CDH18: variants seen among roughly 807,000 people sequenced by gnomAD.
CDH18 encodes the protein cadherin-18.
CDH18 carries 31 observed loss-of-function variants against 67.9 expected under a neutral mutation model. That is an observed-to-expected ratio of 0.46 (90% CI 0.34 to 0.62). CDH18 has a LOEUF of 0.62. Ranked by LOEUF, CDH18 falls within the 20% of genes least tolerant of loss-of-function variation. CDH18 has a pLI of 0.01. For synonymous variants in CDH18, 362 were observed against 347.2 expected (o/e 1.04, Z -0.48); for missense variants, 890 against 975.5 (o/e 0.91, Z 1.17).
intron 1 of CDH18, among the ~76,000 whole-genome samples, chr5:20,299,757 C>CAAAAA (rs368044422): frequency 0.012 from 1,304 of 107,378 alleles, 29 homozygotes; most frequent in African/African-American, 0.035. Flanking sequence ...GGCTCTGTCT[C>CAAAAA]AAAAAAAAAA....
chr5:20,369,366 T>G (rs912901043), intron 1 of CDH18, among the ~76,000 whole-genome samples: 2 of 152,102 alleles, frequency 1.3e-5, no homozygotes, highest in African/African-American at 4.8e-5. Flanking sequence ...AAGAAACAAA[T>G]GAAATTCAGA....
At chr5:20,425,330 G>A (rs1372819166) in intron 1 of CDH18, among the ~76,000 whole-genome samples, 6 of 149,900 alleles carry the variant, frequency 4.0e-5, no homozygotes, top group Non-Finnish European at 8.8e-5. Flanking sequence ...AAGATTGCGC[G>A]ATTGCACTCC....
At chr5:19,483,631 T>C (rs1447814637) in intron 11 of CDH18, 79 bp from the exon 12 acceptor site, 1 of 1,397,802 alleles carries the variant, frequency 7.2e-7, no homozygotes. Flanking sequence ...ATGGATAAAA[T>C]GGGGATGTGT....
chr5:20,406,414 C>A (rs112483104), intron 1 of CDH18, among the ~76,000 whole-genome samples: 1,537 of 150,928 alleles, frequency 0.01, 33 homozygotes, highest in African/African-American at 0.036. Context: ...AGGGGACCAT[C>A]ACACCCCGGG....
At chr5:20,449,681 T>C (rs570617845) in intron 1 of CDH18, among the ~76,000 whole-genome samples, 1 of 152,170 alleles carries the variant, frequency 6.6e-6, no homozygotes, top group South Asian at 2.1e-4. Context: ...TTCAGACACA[T>C]TTGTAAGTGT....
At chr5:20,087,697 T>C (rs1745091036) in intron 2 of CDH18, among the ~76,000 whole-genome samples, 1 of 151,768 alleles carries the variant, frequency 6.6e-6, no homozygotes, top group Non-Finnish European at 1.5e-5. Flanking sequence ...ATGTACGTTT[T>C]TTAAATATGA....
chr5:20,330,004 G>A (rs1739013190), intron 1 of CDH18, among the ~76,000 whole-genome samples: 1 of 151,654 alleles, frequency 6.6e-6, no homozygotes, highest in African/African-American at 2.4e-5. Flanking sequence ...ATAAAATTCA[G>A]ATACAAATAA....
At chr5:19,824,711 G>A (rs956432032) in intron 3 of CDH18, among the ~76,000 whole-genome samples, 1 of 152,150 alleles carries the variant, frequency 6.6e-6, no homozygotes, top group Admixed American at 6.5e-5. Flanking sequence ...AGGCCCAGCA[G>A]TCCCACTTCT....
chr5:19,477,638 A>G (rs1738709064), intron 12 of CDH18, among the ~76,000 whole-genome samples: 2 of 152,234 alleles, frequency 1.3e-5, no homozygotes, highest in South Asian at 4.1e-4. Context: ...ATGAGTGCAG[A>G]TAATAATTAT....
intron 3 of CDH18, among the ~76,000 whole-genome samples, chr5:19,820,667 G>A (rs1779779182): frequency 6.6e-6 from 1 of 152,190 alleles, no homozygotes; most frequent in African/African-American, 2.4e-5. Flanking sequence ...AAAGAAATGG[G>A]GACCTAGCAC....
chr5:20,338,414 G>A (rs1435225939), intron 1 of CDH18, among the ~76,000 whole-genome samples: 1 of 152,116 alleles, frequency 6.6e-6, no homozygotes, highest in Non-Finnish European at 1.5e-5. Flanking sequence ...CTTTCCTTGG[G>A]GAGCTTCATC....
intron 1 of CDH18, among the ~76,000 whole-genome samples, chr5:20,298,146 C>T (rs1262903772): frequency 6.6e-6 from 1 of 152,100 alleles, no homozygotes; most frequent in Non-Finnish European, 1.5e-5. Context: ...GAACCAAGAC[C>T]TTTCTTTAAC....
chr5:19,823,299 T>G (rs1435897294), intron 3 of CDH18, among the ~76,000 whole-genome samples: 1 of 152,130 alleles, frequency 6.6e-6, no homozygotes, highest in East Asian at 1.9e-4. Flanking sequence ...AAGACAGGCA[T>G]AGGGAATCAC....
intron 8 of CDH18, among the ~76,000 whole-genome samples, chr5:19,570,665 A>G (rs902982098): frequency 6.6e-6 from 1 of 152,146 alleles, no homozygotes; most frequent in Non-Finnish European, 1.5e-5. Flanking sequence ...AGGATATCCA[A>G]GAAGTTTTAC....
chr5:20,334,128 A>ATTTTTTTTTT (rs1390783093), intron 1 of CDH18, among the ~76,000 whole-genome samples: 58 of 118,328 alleles, frequency 4.9e-4, no homozygotes, highest in East Asian at 4.5e-3. Context: ...TCTGACTTGA[A>ATTTTTTTTTT]TTCTTTTTTT....
intron 2 of CDH18, among the ~76,000 whole-genome samples, chr5:19,858,132 T>C (rs1466578786): frequency 6.6e-6 from 1 of 152,218 alleles, no homozygotes; most frequent in Non-Finnish European, 1.5e-5. Context: ...CATTTATCAG[T>C]ACATTTAAGA....
chr5:19,780,306 C>T (rs1774949950), intron 3 of CDH18, among the ~76,000 whole-genome samples: 1 of 152,064 alleles, frequency 6.6e-6, no homozygotes, highest in African/African-American at 2.4e-5. Flanking sequence ...TATGTATTTC[C>T]TTGTCGATAA....
chr5:20,053,900 G>A (rs1741671895), intron 2 of CDH18, among the ~76,000 whole-genome samples: 1 of 152,048 alleles, frequency 6.6e-6, no homozygotes, highest in African/African-American at 2.4e-5. Context: ...GTGAGACAAT[G>A]CTCAAGAAAC....
intron 2 of CDH18, among the ~76,000 whole-genome samples, chr5:19,912,827 T>A (rs540617108): frequency 1.3e-5 from 2 of 152,070 alleles, no homozygotes; most frequent in Non-Finnish European, 2.9e-5. Context: ...CAGGGCTTTC[T>A]TAGAGGGAGA....
Sources: gnomAD v4.1 joint callset for allele counts (sites outside exome capture counted in the v4.1 genomes callset) on GRCh38, gnomAD v4.1.1 for gene constraint, MANE v1.5 for transcripts, NCBI Gene and HGNC (gene_info 2026-07-23, HGNC 2026-07-21) for gene names.